Variants in PDGFB observed in about 807,000 individuals in gnomAD.
The protein encoded by PDGFB is platelet-derived growth factor subunit B.
A neutral mutation model predicts 29.0 loss-of-function variants in PDGFB; 6 were observed. The observed-to-expected ratio is 0.21, with a 90% CI of 0.11 to 0.41. The LOEUF is 0.41. Among genes scored for constraint, PDGFB ranks in the 10% least tolerant of loss-of-function variants. The probability of loss-of-function intolerance (pLI) is 1.00; values close to 1 mark genes in which losing one functional copy is unlikely to be tolerated. For missense variants in PDGFB, 299 were observed against 341.8 expected (o/e 0.87, Z 0.99); for synonymous variants, 144 against 140.8 (o/e 1.02, Z -0.16).
At chr22:39,229,177 A>AT (rs1270805646) in intron 5 of PDGFB, among the ~76,000 whole-genome samples, 2 of 152,064 alleles carry the variant, frequency 1.3e-5, no homozygotes, top group Admixed American at 6.6e-5. Flanking sequence ...TTAAACGCTC[A>AT]TCTAATCGTA....
chr22:39,229,984 C>G, intron 5 of PDGFB, 100 bp downstream of exon 5: 1 of 1,348,886 alleles, frequency 7.4e-7, no homozygotes, highest in Non-Finnish European at 1.0e-6. Context: ...TGAATTTAAC[C>G]GGGGGCGGGC....
intron 3 of PDGFB, among the ~76,000 whole-genome samples, chr22:39,232,444 C>T (rs1932332290): frequency 1.3e-5 from 2 of 152,212 alleles, no homozygotes; most frequent in South Asian, 2.1e-4. Context: ...AGCTGAATAT[C>T]CCGTCCGCCC....
intron 1 of PDGFB, among the ~76,000 whole-genome samples, chr22:39,239,641 G>A (rs79039630): frequency 0.015 from 2,225 of 152,338 alleles, 60 homozygotes; most frequent in African/African-American, 0.051. Context: ...TCTCAGGCCC[G>A]GGGTTTCTGG....
Position 39,243,990 on chromosome 22 carries a change from G to A in PDGFB, c.-27C>T. The A allele has an allele frequency of 2.3e-6, 3 of 1,317,852 alleles. No individual in the cohort carries two copies. The highest frequency in any genetic ancestry group is 1.2e-5 in the South Asian group (1 of 81,984). The allele number at this position is 1,317,852 out of a possible 1,614,324, so 81.6% of individuals were successfully genotyped here. On this transcript the variant is annotated 5_prime_UTR_variant, in exon 1 of 7. Transcript: ENST00000331163. The surrounding 1 kb of genome is among the most constrained non-coding windows in gnomAD (Gnocchi z 6.4). The stretch of plus-strand genomic sequence containing the variant: ...CCGACTCCGGGCCCGGCCCCGCGGG[G>A]CCCCGGACGCGTAGATCGAGCGCGC...
In PDGFB at chr22:39,225,065, GT is replaced by G; in HGVS notation, c.*276del. ...AGTCTCTCTCACACTCTTATCCCAAGTTCTTGGAGTTAAGGGAAGAAGATGG... is the reference window on the plus strand; with the variant it reads ...AGTCTCTCTCACACTCTTATCCCAAGTCTTGGAGTTAAGGGAAGAAGATGG... On this transcript the variant is annotated 3_prime_UTR_variant, in exon 7 of 7. Transcript: ENST00000331163. The G allele has an allele frequency of 6.5e-6, 1 of 152,976 alleles. No individual in the cohort carries two copies. Among genetic ancestry groups the G allele is most frequent in the East Asian group, 1.9e-4 (1 of 5,276 alleles). The allele number at this position is 152,976 out of a possible 1,614,324, so 9.5% of individuals were successfully genotyped here.
chr22:39,241,880 A>G (rs1180524679), intron 1 of PDGFB, among the ~76,000 whole-genome samples: 1 of 151,932 alleles, frequency 6.6e-6, no homozygotes, highest in Non-Finnish European at 1.5e-5. Context: ...CAGATGGGTA[A>G]GGTTTGAGGG....
At chr22:39,240,783 C>T (rs1932547910) in intron 1 of PDGFB, 1 of 1,541,262 alleles carries the variant, frequency 6.5e-7, no homozygotes, top group Non-Finnish European at 9.0e-7. Flanking sequence ...TAAACCAGAA[C>T]ATAGGAAGAG....
intron 4 of PDGFB, 50 bp from the exon 5 acceptor site, chr22:39,230,278 G>T: frequency 1.9e-6 from 3 of 1,596,118 alleles, no homozygotes; most frequent in Non-Finnish European, 2.6e-6. Context: ...ACAGCCAGGA[G>T]CCCGGGAAGC....
At position 39,242,141 on chromosome 22, in the gene PDGFB, T is replaced by C. The variant is rs1177274970; in HGVS notation, c.63+1760A>G. 4.5e-6 allele frequency: 1 copy of C among 222,692 alleles called. No homozygotes were observed. The highest frequency in any genetic ancestry group is 5.8e-5 in the Admixed American group (1 of 17,362). The allele number at this position is 222,692 out of a possible 1,614,324, so 13.8% of individuals were successfully genotyped here. ...AGGCCGCGCGTGCAGGGGCCGTGCG[T>C]GCGTTTGTGTGCGGTGCGCGCGCGT... On this transcript the variant is annotated intron_variant, in intron 1 of 6. Coordinates refer to ENST00000331163, the MANE Select transcript of PDGFB (RefSeq NM_002608.4). The surrounding 1 kb of genome is among the most constrained non-coding windows in gnomAD (Gnocchi z 5.7).
intron 1 of PDGFB, among the ~76,000 whole-genome samples, chr22:39,237,697 C>T (rs1440237428): frequency 6.6e-6 from 1 of 152,248 alleles, no homozygotes; most frequent in Non-Finnish European, 1.5e-5. Flanking sequence ...GCGAAAGCCG[C>T]TTCCCCTGAG....
intron 2 of PDGFB, 62 bp from the exon 3 acceptor site, chr22:39,233,586 C>CTGCCCAGACACCCCGGCGGA: frequency 8.1e-7 from 1 of 1,228,180 alleles, no homozygotes; most frequent in Non-Finnish European, 1.1e-6. Context: ...CTCCCTCCGC[C>CTGCCCAGACACCCCGGCGGA]GGGGTGTCTG....
rs1932594949 is a variant in PDGFB at position 39,242,645 on chromosome 22, G to C, written c.63+1256C>G. Among the ~76,000 whole-genome samples the C allele has an allele frequency of 6.6e-6, 1 of 151,822 alleles. No individual in the cohort carries two copies. The highest frequency in any genetic ancestry group is 2.1e-4 in the South Asian group (1 of 4,826). Reference sequence around the variant, plus strand: ...CCGAGAACAAAAGGAGACGGCGACGGCTCCTCCGTGGTCAAAACAACCTGC... The same window carrying C: ...CCGAGAACAAAAGGAGACGGCGACGCCTCCTCCGTGGTCAAAACAACCTGC... On this transcript the variant is annotated intron_variant, in intron 1 of 6. Coordinates refer to ENST00000331163, the MANE Select transcript of PDGFB (RefSeq NM_002608.4). The surrounding 1 kb of genome is among the most constrained non-coding windows in gnomAD (Gnocchi z 5.7).
In PDGFB at chr22:39,226,690, T is replaced by C. The variant is rs192642797; in HGVS notation, c.602-843A>G. 1.7e-3 allele frequency among the ~76,000 whole-genome samples: 260 copies of C among 152,290 alleles called. 3 individuals are homozygous for C. Among genetic ancestry groups the C allele is most frequent in the Admixed American group, 0.015 (237 of 15,296 alleles). The stretch of plus-strand genomic sequence containing the variant: ...TCCTTAGCTTGACCTACTATTGAGG[T>C]TTCCTCCCAACCTCTCAGCCCCGTC... On this transcript the variant is annotated intron_variant, in intron 5 of 6. Coordinates refer to ENST00000331163, the MANE Select transcript of PDGFB (RefSeq NM_002608.4).
At chr22:39,232,324 A>C (rs1448323709) in intron 3 of PDGFB, among the ~76,000 whole-genome samples, 1 of 152,140 alleles carries the variant, frequency 6.6e-6, no homozygotes, top group African/African-American at 2.4e-5. Flanking sequence ...TGGGATAATA[A>C]CAGCACCTCC....
In PDGFB at chr22:39,225,540, A is replaced by G. The variant is rs112181258; in HGVS notation, c.*28+155T>C. The stretch of plus-strand genomic sequence containing the variant: ...AGCTGGGCTGGGGTCTCCAAAGCCC[A>G]CCACCCACCCTGCCCCAGCTGATAA... On this transcript the variant is annotated intron_variant, in intron 6 of 6. Transcript: ENST00000331163. 0.015 allele frequency among the ~76,000 whole-genome samples: 2,330 copies of G among 152,062 alleles called. 59 individuals are homozygous for G. The highest frequency in any genetic ancestry group is 0.054 in the African/African-American group (2,245 of 41,472).
intron 2 of PDGFB, among the ~76,000 whole-genome samples, chr22:39,233,800 T>TC (rs1443853379): frequency 7.9e-5 from 12 of 152,116 alleles, no homozygotes; most frequent in Admixed American, 7.9e-4. Flanking sequence ...AAATAACCCT[T>TC]CCCCTTTGCT....
intron 1 of PDGFB, among the ~76,000 whole-genome samples, chr22:39,240,685 G>A (rs1044115319): frequency 6.6e-6 from 1 of 152,164 alleles, no homozygotes; most frequent in African/African-American, 2.4e-5. Context: ...ACAGGGCTCT[G>A]GGCACTGTTC....
chr22:39,244,903 C>A lies in PDGFB; in HGVS notation c.-940G>T, dbSNP rs2146460781. Among the ~76,000 whole-genome samples, 1 of 151,392 alleles carries A rather than the reference C, an allele frequency of 6.6e-6. No individual in the cohort carries two copies. The highest frequency in any genetic ancestry group is 2.1e-4 in the South Asian group (1 of 4,806). ...ATGGGCGCTGGCGGCCGGAGGGGAG[C>A]CCTAGGGAGGCAGCGGGGGAGGCTG... is the stretch of plus-strand genomic sequence containing the variant. On this transcript the variant is annotated 5_prime_UTR_variant, in exon 1 of 7. Coordinates refer to ENST00000331163, the MANE Select transcript of PDGFB (RefSeq NM_002608.4). The surrounding 1 kb of genome is among the most constrained non-coding windows in gnomAD (Gnocchi z 4.5).
chr22:39,231,470 G>A lies in PDGFB; in HGVS notation c.456+152C>T, dbSNP rs886375021. 1 of 647,274 alleles carries A rather than the reference G, an allele frequency of 1.5e-6. No individual in the cohort carries two copies. The highest frequency in any genetic ancestry group is 1.8e-5 in the African/African-American group (1 of 54,890). 40.1% of individuals were successfully genotyped at this position (647,274 alleles called of 1,614,324 possible). Reference sequence around the variant, plus strand: ...GCCTAGGAAGAGCTTCCCAAGAGTGGGCCTCTCTGGACAGAGCCCAGGAAC... The same window carrying A: ...GCCTAGGAAGAGCTTCCCAAGAGTGAGCCTCTCTGGACAGAGCCCAGGAAC... On this transcript the variant is annotated intron_variant, in intron 4 of 6. Transcript: ENST00000331163. This position sits in a 1 kb window ranked among gnomAD's most constrained non-coding sequence, Gnocchi z 4.3.
Sources: gnomAD v4.1 joint callset for allele counts (sites outside exome capture counted in the v4.1 genomes callset) on GRCh38, gnomAD v4.1.1 for gene constraint, Gnocchi (gnomAD v3.1) non-coding constraint, MANE v1.5 for transcripts, NCBI Gene and HGNC (gene_info 2026-07-23, HGNC 2026-07-21) for gene names.